The following SENP6 variants were observed in gnomAD, a reference collection of about 807,000 sequenced individuals.
SENP6 encodes sentrin-specific protease 6.
In SENP6, 41 loss-of-function variants were observed where a neutral mutation model predicts 134.5. The ratio of observed to expected loss-of-function variants is 0.30; its 90% CI spans 0.24 to 0.40. The LOEUF (loss-of-function observed/expected upper bound fraction) is 0.40, where lower values mean the gene tolerates loss of function less well. SENP6 is among the 10% of genes least tolerant of loss of function. SENP6 has a pLI of 1.00. For synonymous variants in SENP6, 395 were observed against 429.8 expected, an observed-to-expected ratio of 0.92 and a Z score of 1.00; for missense variants, 1,248 against 1,312.5, an observed-to-expected ratio of 0.95 and a Z score of 0.76.
chr6:75,668,817 G>A (rs925699497), intron 10 of SENP6, among the ~76,000 whole-genome samples: 4 of 152,148 alleles, frequency 2.6e-5, no homozygotes, highest in East Asian at 3.8e-4. Context: ...TCAGATGAGC[G>A]GTTTTCAGAC....
intron 1 of SENP6, among the ~76,000 whole-genome samples, chr6:75,607,013 C>T (rs1374512340): frequency 1.3e-5 from 2 of 151,992 alleles, no homozygotes; most frequent in Admixed American, 1.3e-4. Context: ...GATAGGAGAG[C>T]GGTGCAAGAT....
At chr6:75,714,393 A>G (rs898605275) in intron 23 of SENP6, among the ~76,000 whole-genome samples, 2 of 152,142 alleles carry the variant, frequency 1.3e-5, no homozygotes, top group African/African-American at 4.8e-5. Flanking sequence ...TCCACCATAC[A>G]GTAGATGACC....
At chr6:75,671,124 A>G (rs1235189054) in intron 11 of SENP6, among the ~76,000 whole-genome samples, 2 of 152,222 alleles carry the variant, frequency 1.3e-5, no homozygotes, top group Admixed American at 1.3e-4. Flanking sequence ...AGATTATTGT[A>G]CTATAATGGC....
intron 6 of SENP6, among the ~76,000 whole-genome samples, chr6:75,642,940 G>C (rs1343419583): frequency 6.6e-6 from 1 of 152,006 alleles, no homozygotes; most frequent in Non-Finnish European, 1.5e-5. Context: ...TCTTTTTGGT[G>C]GGGGAGGTGG....
At chr6:75,653,682 A>G (rs1429190234) in intron 7 of SENP6, among the ~76,000 whole-genome samples, 4 of 143,980 alleles carry the variant, frequency 2.8e-5, no homozygotes, top group East Asian at 2.0e-4. Context: ...TAACTAGTTT[A>G]TTTTGCAAAT....
chr6:75,643,160 A>G (rs1041716338), intron 6 of SENP6, among the ~76,000 whole-genome samples: 2 of 152,218 alleles, frequency 1.3e-5, no homozygotes. Context: ...AGGAGAAAAG[A>G]GGAAACAAAA....
At chr6:75,618,992 G>T (rs1768059816) in intron 1 of SENP6, among the ~76,000 whole-genome samples, 1 of 130,962 alleles carries the variant, frequency 7.6e-6, no homozygotes, top group African/African-American at 2.9e-5. Context: ...GAGGATTTAT[G>T]TTTGCTTGTG....
intron 5 of SENP6, 48 bp from the exon 6 acceptor site, chr6:75,640,636 A>G (rs781542874): frequency 2.9e-6 from 4 of 1,373,978 alleles, no homozygotes; most frequent in Non-Finnish European, 3.9e-6. Context: ...TGATATATCA[A>G]CAATGAGGTC....
intron 3 of SENP6, among the ~76,000 whole-genome samples, chr6:75,626,571 TG>T (rs1002365775): frequency 2.0e-5 from 3 of 152,202 alleles, no homozygotes; most frequent in African/African-American, 7.2e-5. Context: ...CCCAGTCTTT[TG>T]CTATTACGTA....
chr6:75,651,353 T>G (rs1770846134), intron 7 of SENP6, among the ~76,000 whole-genome samples: 1 of 152,190 alleles, frequency 6.6e-6, no homozygotes, highest in South Asian at 2.1e-4. Context: ...ATGTTAACTT[T>G]TGCTTTTTGT....
At position 75,648,513 on chromosome 6, in the gene SENP6, C is replaced by T. The variant is rs137944179; in HGVS notation, c.550+712C>T. ...TTAGAATGTGCTTTTAAAAAACACCCACATTTTTTTTTCTACTTTGGGTGA... is the reference window on the plus strand; with the variant it reads ...TTAGAATGTGCTTTTAAAAAACACCTACATTTTTTTTTCTACTTTGGGTGA... On this transcript the variant is annotated intron_variant, in intron 7 of 23. Transcript: ENST00000447266. 5.8e-4 allele frequency among the ~76,000 whole-genome samples: 88 copies of T among 152,148 alleles called. No individual in the cohort carries two copies. In the East Asian group the frequency reaches 0.016, roughly 27 times the overall value.
chr6:75,663,767 C>G (rs1185071702), intron 9 of SENP6, among the ~76,000 whole-genome samples: 1 of 143,846 alleles, frequency 7.0e-6, no homozygotes, highest in East Asian at 2.0e-4. Flanking sequence ...TTAATTTAAT[C>G]TTTCTGATCT....
chr6:75,613,538 A>G (rs1767620948), intron 1 of SENP6, among the ~76,000 whole-genome samples: 1 of 152,246 alleles, frequency 6.6e-6, no homozygotes, highest in Non-Finnish European at 1.5e-5. Context: ...TCATAGTAGC[A>G]ATGTATGTAA....
chr6:75,602,836 T>C (rs1294402691), intron 1 of SENP6, among the ~76,000 whole-genome samples: 1 of 152,172 alleles, frequency 6.6e-6, no homozygotes, highest in Non-Finnish European at 1.5e-5. Flanking sequence ...GGGCGTCCTT[T>C]GAGAGTGCGC....
intron 3 of SENP6, 53 bp from the exon 4 acceptor site, chr6:75,633,528 A>T (rs1769270830): frequency 2.8e-6 from 4 of 1,443,652 alleles, no homozygotes; most frequent in Middle Eastern, 2.0e-4. Flanking sequence ...AGTTGTTGAT[A>T]GATTGTCACA....
chr6:75,704,832 T>C (rs1775284507), intron 19 of SENP6, among the ~76,000 whole-genome samples: 1 of 152,152 alleles, frequency 6.6e-6, no homozygotes. Flanking sequence ...GGTGATGACT[T>C]TTACCGAGCA....
chr6:75,653,731 A>G (rs1325949080), intron 7 of SENP6, among the ~76,000 whole-genome samples: 1 of 151,672 alleles, frequency 6.6e-6, no homozygotes, highest in Admixed American at 6.6e-5. Flanking sequence ...AAAGTTAGGT[A>G]TGATTATTAA....
intron 1 of SENP6, among the ~76,000 whole-genome samples, chr6:75,608,509 GGAAGGAAAGAAA>G (rs1373367379): frequency 6.7e-6 from 1 of 150,324 alleles, no homozygotes; most frequent in Non-Finnish European, 1.5e-5. Flanking sequence ...GAGGAAAGGA[GGAAGGAAAGAAA>G]GAAGGAAAGA....
chr6:75,671,703 C>T (rs1206371757), intron 11 of SENP6, among the ~76,000 whole-genome samples: 1 of 152,072 alleles, frequency 6.6e-6, no homozygotes, highest in Non-Finnish European at 1.5e-5. Flanking sequence ...GTCTGGATGA[C>T]AGATCAAGAC....
Sources: gnomAD v4.1 joint callset for allele counts (sites outside exome capture counted in the v4.1 genomes callset) on GRCh38, gnomAD v4.1.1 for gene constraint, MANE v1.5 for transcripts, NCBI Gene and HGNC (gene_info 2026-07-23, HGNC 2026-07-21) for gene names.